Variants in IL1R1 observed in about 807,000 individuals in gnomAD.
IL1R1 encodes the protein interleukin-1 receptor type 1.
A neutral mutation model predicts 50.2 loss-of-function variants in IL1R1; 22 were observed. The ratio of observed to expected loss-of-function variants is 0.44; its 90% CI spans 0.31 to 0.63. The LOEUF is 0.63. Among genes scored for constraint, IL1R1 ranks in the 20% least tolerant of loss-of-function variants. The probability of loss-of-function intolerance (pLI) is 0.07; values close to 1 mark genes in which losing one functional copy is unlikely to be tolerated. For missense variants in IL1R1, 509 were observed against 676.2 expected (o/e 0.75, Z 2.74); for synonymous variants, 251 against 236.7 (o/e 1.06, Z -0.55).
intron 6 of IL1R1, among the ~76,000 whole-genome samples, chr2:102,166,895 G>T (rs2160227): frequency 0.38 from 57,384 of 151,882 alleles, 11,654 homozygotes; most frequent in African/African-American, 0.51. Context: ...TAGGATGATT[G>T]TTCTTGTTAA....
At chr2:102,130,369 G>A (rs1426084712) in intron 1 of IL1R1, among the ~76,000 whole-genome samples, 2 of 152,148 alleles carry the variant, frequency 1.3e-5, no homozygotes, top group South Asian at 2.1e-4. Flanking sequence ...AATCACAATT[G>A]CTAATGATTC....
At chr2:102,143,622 A>G (rs888778896) in intron 1 of IL1R1, among the ~76,000 whole-genome samples, 1 of 152,192 alleles carries the variant, frequency 6.6e-6, no homozygotes, top group Admixed American at 6.5e-5. Flanking sequence ...CAGCGGGGGA[A>G]GCAGAAGTTT....
chr2:102,094,822 T>C (rs984979636), intron 1 of IL1R1, among the ~76,000 whole-genome samples: 1 of 152,110 alleles, frequency 6.6e-6, no homozygotes. Context: ...GTTGCATATA[T>C]ATACACACAT....
exon 1 of IL1R1, chr2:102,104,619 C>T (rs1283970258): frequency 6.6e-6 from 1 of 151,568 alleles, no homozygotes; most frequent in Admixed American, 6.5e-5. Context: ...CAAAACCCCA[C>T]TTTCTCCTTC....
At chr2:102,124,415 A>T (rs746932881) in intron 1 of IL1R1, among the ~76,000 whole-genome samples, 45 of 148,528 alleles carry the variant, frequency 3.0e-4, no homozygotes, top group Middle Eastern at 3.6e-3. Flanking sequence ...GCAAGACTCC[A>T]TCTCCCCCCC....
At chr2:102,149,093 GC>G (rs1438692143) in intron 1 of IL1R1, among the ~76,000 whole-genome samples, 1 of 152,168 alleles carries the variant, frequency 6.6e-6, no homozygotes, top group Non-Finnish European at 1.5e-5. Context: ...CATTTCATGA[GC>G]TAAAGAACCT....
intron 1 of IL1R1, among the ~76,000 whole-genome samples, chr2:102,151,054 G>A (rs1448398079): frequency 6.6e-6 from 1 of 152,152 alleles, no homozygotes; most frequent in East Asian, 1.9e-4. Context: ...CTTACTATAA[G>A]TCATTTAAAA....
At position 102,177,749 on chromosome 2, in the gene IL1R1, A is replaced by G. The variant is rs1218733808; in HGVS notation, c.*990A>G. On this transcript the variant is annotated 3_prime_UTR_variant, in exon 12 of 12. Coordinates refer to ENST00000410023, the MANE Select transcript of IL1R1 (RefSeq NM_000877.4). ...ACTTCTTAATGCTTTCCTCCCTGGC[A>G]TGACCATCCTGTCCTTTGTTATTAT... is the stretch of plus-strand genomic sequence containing the variant. The G allele has an allele frequency of 6.6e-6, 1 of 152,364 alleles. No homozygotes were observed. Among genetic ancestry groups the G allele is most frequent in the Non-Finnish European group, 1.5e-5 (1 of 68,070 alleles). The allele number at this position is 152,364 out of a possible 1,614,324, so 9.4% of individuals were successfully genotyped here.
intron 1 of IL1R1, among the ~76,000 whole-genome samples, chr2:102,096,192 A>G (rs12991050): frequency 0.27 from 41,370 of 152,034 alleles, 6,375 homozygotes; most frequent in African/African-American, 0.42. Context: ...GGACTTTTAC[A>G]GGATTTTTTG....
chr2:102,090,052 T>C (rs962128601), intron 1 of IL1R1, among the ~76,000 whole-genome samples: 1 of 151,976 alleles, frequency 6.6e-6, no homozygotes, highest in Non-Finnish European at 1.5e-5. Context: ...GCCAGGATGG[T>C]CTCGATCTCC....
intron 1 of IL1R1, among the ~76,000 whole-genome samples, chr2:102,130,384 T>A (rs1681964027): frequency 6.6e-6 from 1 of 152,206 alleles, no homozygotes; most frequent in Non-Finnish European, 1.5e-5. Context: ...TGATTCTTCT[T>A]GCAAAATTCT....
chr2:102,131,769 G>C (rs2104417351), intron 1 of IL1R1, among the ~76,000 whole-genome samples: 1 of 152,212 alleles, frequency 6.6e-6, no homozygotes, highest in South Asian at 2.1e-4. Flanking sequence ...AAAAGGGAGT[G>C]ACAGGAAAAA....
At chr2:102,156,970 A>T (rs1039120500) in intron 2 of IL1R1, among the ~76,000 whole-genome samples, 1 of 152,192 alleles carries the variant, frequency 6.6e-6, no homozygotes. Flanking sequence ...ATCTCCCGTA[A>T]AAATTAAAAG....
rs1055391783 is a variant in IL1R1, at chr2:102,160,526, C to G, written c.61+2741C>G. On this transcript the variant is annotated intron_variant, in intron 3 of 11. Coordinates refer to ENST00000410023, the MANE Select transcript of IL1R1 (RefSeq NM_000877.4). ...CTGCTCCACCAGGGGCTAAGCAGTT[C>G]CTAGGTGTGTTGTGGACAGCTTACA... is the stretch of plus-strand genomic sequence containing the variant. 2.0e-5 allele frequency among the ~76,000 whole-genome samples: 3 copies of G among 152,166 alleles called. No homozygotes were observed. The East Asian group carries it at 5.8e-4, about 29-fold the overall frequency.
rs1431659293 is a variant in IL1R1 at position 102,178,285 on chromosome 2, C to T, written c.*1526C>T. On this transcript the variant is annotated 3_prime_UTR_variant, in exon 12 of 12. Coordinates refer to ENST00000410023, the MANE Select transcript of IL1R1 (RefSeq NM_000877.4). ...GTGAGCACATCTGGGAGGCTGGTCT[C>T]CCTCCAGCTGGAATTGCTGCTCTCT... The T allele has an allele frequency of 6.6e-6, 1 of 152,372 alleles. No individual in the cohort carries two copies. Among genetic ancestry groups the T allele is most frequent in the Non-Finnish European group, 1.5e-5 (1 of 68,066 alleles). The allele number at this position is 152,372 out of a possible 1,614,324, so 9.4% of individuals were successfully genotyped here.
chr2:102,123,029 T>C (rs890148805), intron 1 of IL1R1, among the ~76,000 whole-genome samples: 1 of 152,220 alleles, frequency 6.6e-6, no homozygotes, highest in Admixed American at 6.5e-5. Context: ...TTTACTTTAG[T>C]AAGAAATATA....
At position 102,175,471 on chromosome 2, in the gene IL1R1, C is replaced by T. The variant is rs1368798693; in HGVS notation, c.1136-7C>T. 4 of 1,610,298 alleles carry T rather than the reference C, an allele frequency of 2.5e-6. No homozygotes were observed. The Admixed American group carries it at 5.0e-5, about 20-fold the overall frequency. ...GTGGTTCTAAATACATTATGTTTTT[C>T]CTTTAGCTTCAGATGGAAAGACCTA... On this transcript the variant is annotated splice_region_variant and splice_polypyrimidine_tract_variant and intron_variant, in intron 10 of 11. Coordinates refer to ENST00000410023, the MANE Select transcript of IL1R1 (RefSeq NM_000877.4).
Position 102,120,457 on chromosome 2 carries a change from T to A in IL1R1, c.-84+15585T>A, listed in dbSNP as rs377644229. On this transcript the variant is annotated intron_variant, in intron 1 of 10. Coordinates refer to the IL1R1 transcript ENST00000409329. ...TATTTTACTAGGTGCTTAGTAAACA[T>A]TTGTCACATGCAGGAAAGGCACAAT... 9.5e-4 allele frequency among the ~76,000 whole-genome samples: 145 copies of A among 152,262 alleles called. 6 individuals carry two copies. In the South Asian group the frequency reaches 0.029, roughly 30 times the overall value.
chr2:102,090,055 C>T (rs542705283), intron 1 of IL1R1, among the ~76,000 whole-genome samples: 12 of 151,652 alleles, frequency 7.9e-5, no homozygotes, highest in Non-Finnish European at 1.2e-4. Context: ...AGGATGGTCT[C>T]GATCTCCTGA....
Sources: allele counts gnomAD v4.1 joint callset (sites outside exome capture counted in the v4.1 genomes callset), GRCh38; gene constraint gnomAD v4.1.1; transcripts MANE v1.5; gene names NCBI Gene and HGNC (gene_info 2026-07-23, HGNC 2026-07-21).